Variants in COXFA4L2 observed in about 807,000 individuals in gnomAD.
COXFA4L2 encodes the protein NADH dehydrogenase (ubiquinone) 1 alpha subcomplex, 4-like 2.
chr12:57,237,101 GTCTGGTCCTCTGCAGTGGCTCTGTCCTC>G, the COXFA4L2 span: 10 of 1,614,096 alleles, frequency 6.2e-6, no homozygotes, highest in Non-Finnish European at 8.5e-6. Context: ...TGTTTTCCCA[GTCTGGTCCTCTGCAGTGGCTCTGTCCTC>G]TCCCTCCTCC....
the COXFA4L2 span, chr12:57,235,631 G>C: frequency 6.2e-7 from 1 of 1,614,124 alleles, no homozygotes; most frequent in Non-Finnish European, 8.5e-7. Flanking sequence ...TAAGAGGAGA[G>C]GGAAAGGGGG....
chr12:57,235,850 G>A, the COXFA4L2 span: 1 of 1,498,218 alleles, frequency 6.7e-7, no homozygotes, highest in South Asian at 1.4e-5. Context: ...CTCCTCCCTG[G>A]GACCCAGAAC....
At chr12:57,240,295 G>C in the COXFA4L2 span, 1 of 152,122 alleles carries the variant, frequency 6.6e-6, no homozygotes, top group Non-Finnish European at 1.5e-5. Context: ...CGGCGTCCCG[G>C]CTCCTGGCCG....
chr12:57,238,244 T>A, the COXFA4L2 span, among the ~76,000 whole-genome samples: 1 of 152,024 alleles, frequency 6.6e-6, no homozygotes, highest in Non-Finnish European at 1.5e-5. This position sits in a 1 kb window ranked among gnomAD's most constrained non-coding sequence, Gnocchi z 6.8. Context: ...AGGGTCCGCC[T>A]CCCTTTCCTT....
the COXFA4L2 span, chr12:57,240,565 G>T: frequency 1.8e-6 from 1 of 553,026 alleles, no homozygotes; most frequent in Non-Finnish European, 2.3e-6. Context: ...TCACCCCGGC[G>T]CGCGCACACA....
chr12:57,237,868 A>T, the COXFA4L2 span: 1 of 154,440 alleles, frequency 6.5e-6, no homozygotes, highest in Non-Finnish European at 1.5e-5. Flanking sequence ...TGTGGGATGG[A>T]TAGGAAGGGA....
At chr12:57,237,317 C>A in the COXFA4L2 span, 1 of 1,425,762 alleles carries the variant, frequency 7.0e-7, no homozygotes, top group South Asian at 1.5e-5. Context: ...CTCCGACTCT[C>A]TCCTCCAGAT....
chr12:57,235,475 G>T, the COXFA4L2 span: 2 of 1,417,282 alleles, frequency 1.4e-6, no homozygotes, highest in Non-Finnish European at 2.0e-6. Context: ...GGTGGCCGGA[G>T]TGATGCCTTG....
chr12:57,236,616 G>A, the COXFA4L2 span: 6 of 1,584,832 alleles, frequency 3.8e-6, no homozygotes, highest in Admixed American at 1.8e-5. Flanking sequence ...TGCGAAGGGC[G>A]AGTCGCAGCA....
the COXFA4L2 span, chr12:57,236,692 G>A: frequency 6.4e-7 from 1 of 1,553,300 alleles, no homozygotes; most frequent in Non-Finnish European, 8.7e-7. Flanking sequence ...CTGCGGGGAA[G>A]AGGGAGAGCA....
chr12:57,239,124 C>T, the COXFA4L2 span, among the ~76,000 whole-genome samples: 2 of 152,278 alleles, frequency 1.3e-5, no homozygotes, highest in African/African-American at 4.8e-5. This position sits in a 1 kb window ranked among gnomAD's most constrained non-coding sequence, Gnocchi z 5.5. Context: ...CAAGCGCTAA[C>T]CCGCACCAGG....
chr12:57,237,552 G>A, the COXFA4L2 span, among the ~76,000 whole-genome samples: 2 of 152,200 alleles, frequency 1.3e-5, no homozygotes, highest in Non-Finnish European at 2.9e-5. Context: ...GTCCAGGAGC[G>A]GGTCCTGAGA....
At chr12:57,238,182 A>C in the COXFA4L2 span, among the ~76,000 whole-genome samples, 1 of 151,864 alleles carries the variant, frequency 6.6e-6, no homozygotes, top group Admixed American at 6.6e-5. The surrounding 1 kb of genome is among the most constrained non-coding windows in gnomAD (Gnocchi z 6.8). Flanking sequence ...GGAGCGAGCT[A>C]TGCACCCGTC....
the COXFA4L2 span, chr12:57,236,529 C>T: frequency 2.2e-6 from 3 of 1,380,082 alleles, no homozygotes; most frequent in South Asian, 4.2e-5. Context: ...CCACTAGGGC[C>T]GCCTATTTCC....
the COXFA4L2 span, chr12:57,235,743 A>C: frequency 2.2e-3 from 3,512 of 1,603,356 alleles, 73 homozygotes; most frequent in African/African-American, 0.042. Context: ...AGCCATCGAG[A>C]GGTACCTTGT....
At chr12:57,238,367 A>C in the COXFA4L2 span, among the ~76,000 whole-genome samples, 2 of 151,960 alleles carry the variant, frequency 1.3e-5, no homozygotes, top group Non-Finnish European at 2.9e-5. This position sits in a 1 kb window ranked among gnomAD's most constrained non-coding sequence, Gnocchi z 6.8. Flanking sequence ...TGTCAGAGAC[A>C]CGGCGAGAAC....
chr12:57,237,173 C>G, the COXFA4L2 span: 1 of 1,612,380 alleles, frequency 6.2e-7, no homozygotes, highest in Non-Finnish European at 8.5e-7. Flanking sequence ...AGGGATCAGC[C>G]CAGCCCAGAG....
the COXFA4L2 span, among the ~76,000 whole-genome samples, chr12:57,238,463 C>T: frequency 6.6e-5 from 10 of 152,198 alleles, no homozygotes; most frequent in Non-Finnish European, 1.0e-4. This position sits in a 1 kb window ranked among gnomAD's most constrained non-coding sequence, Gnocchi z 6.8. Flanking sequence ...CAGCCCAGCC[C>T]TCCCGAGAGC....
the COXFA4L2 span, chr12:57,240,738 C>T: frequency 2.0e-6 from 2 of 985,400 alleles, no homozygotes; most frequent in Non-Finnish European, 2.4e-6. Flanking sequence ...GATTTTCACA[C>T]ATACACAGAC....
Sources: allele counts gnomAD v4.1 joint callset (sites outside exome capture counted in the v4.1 genomes callset), GRCh38; gene constraint gnomAD v4.1.1; non-coding constraint Gnocchi (gnomAD v3.1); transcripts MANE v1.5; gene names NCBI Gene and HGNC (gene_info 2026-07-23, HGNC 2026-07-21).